The following STAMBP variants were observed in gnomAD, a reference collection of about 807,000 sequenced individuals.
STAMBP encodes the protein STAM binding protein, also known as STAM-binding protein.
Under a neutral mutation model 50.7 loss-of-function variants are expected in STAMBP, and 31 were observed. The ratio of observed to expected loss-of-function variants is 0.61; its 90% CI spans 0.46 to 0.83. The LOEUF (loss-of-function observed/expected upper bound fraction) is 0.83. STAMBP is among the 40% of genes least tolerant of loss of function. STAMBP has a pLI of 0.00. For missense variants in STAMBP, 472 were observed against 518.9 expected (o/e 0.91, Z 0.88); for synonymous variants, 211 against 192.4 (o/e 1.10, Z -0.80).
At chr2:73,868,038 C>T (rs943853908), downstream of STAMBP, among the ~76,000 whole-genome samples, 2 of 151,002 alleles carry the variant, frequency 1.3e-5, no homozygotes, top group African/African-American at 4.9e-5. Context: ...GCAGGAGAAT[C>T]GTTTGAGCTC....
chr2:73,869,668 A>G (rs1679122652), downstream of STAMBP, among the ~76,000 whole-genome samples: 1 of 152,206 alleles, frequency 6.6e-6, no homozygotes, highest in African/African-American at 2.4e-5. Flanking sequence ...TGGCACATGT[A>G]TACATATGGA....
In STAMBP at chr2:73,863,013, C is replaced by T. The variant is rs149280730; in HGVS notation, c.*754C>T. The T allele has an allele frequency of 6.6e-6, 1 of 152,240 alleles. No homozygotes were observed. The highest frequency in any genetic ancestry group is 2.4e-5 in the African/African-American group (1 of 41,548). 9.4% of individuals were successfully genotyped at this position (152,240 alleles called of 1,614,324 possible). On this transcript the variant is annotated 3_prime_UTR_variant, in exon 10 of 10. Coordinates refer to ENST00000394070, the MANE Select transcript of STAMBP (RefSeq NM_213622.4). ...ATATACTGACACTGATGGTGTGTCC[C>T]AGTTCACTTTTAATTACTCCTTGTT...
chr2:73,842,050 A>C (rs1675459192), intron 2 of STAMBP, among the ~76,000 whole-genome samples: 1 of 152,200 alleles, frequency 6.6e-6, no homozygotes, highest in African/African-American at 2.4e-5. Flanking sequence ...ACTTGGTGAA[A>C]AGTTTCACAC....
rs1676699824 is a variant in STAMBP at position 73,850,655 on chromosome 2, T to A, written c.1005+142T>A. 1 of 861,920 alleles carries A rather than the reference T, an allele frequency of 1.2e-6. No individual in the cohort carries two copies. Among genetic ancestry groups the A allele is most frequent in the Non-Finnish European group, 1.6e-6 (1 of 612,236 alleles). The allele number at this position is 861,920 out of a possible 1,614,324, so 53.4% of individuals were successfully genotyped here. ...CTTTTGGATGCAGTCCTTAGCATAC[T>A]TGACTATTGCACTTTGGTATTGTTT... On this transcript the variant is annotated intron_variant, in intron 7 of 9. Transcript: ENST00000394070. The surrounding 1 kb of genome is among the most constrained non-coding windows in gnomAD (Gnocchi z 4.3).
chr2:73,846,434 C>G (rs1278606850), intron 4 of STAMBP, among the ~76,000 whole-genome samples: 3 of 151,664 alleles, frequency 2.0e-5, no homozygotes, highest in Non-Finnish European at 4.4e-5. Flanking sequence ...AACCCCATCT[C>G]TACAAAAAAT....
At chr2:73,832,504 C>G (rs1223829865) in intron 2 of STAMBP, among the ~76,000 whole-genome samples, 3 of 151,878 alleles carry the variant, frequency 2.0e-5, no homozygotes, top group South Asian at 2.1e-4. Flanking sequence ...TCTTTTCCCC[C>G]CAAACCCTCA....
At chr2:73,834,239 ATATATATATATATATATATAT>A (rs1674423243) in intron 2 of STAMBP, among the ~76,000 whole-genome samples, 196 of 15,582 alleles carry the variant, frequency 0.013, 32 homozygotes, top group East Asian at 0.044. Flanking sequence ...AAAAAAAAAT[ATATATATATATATATATATAT>A]ATATATATAT....
intron 7 of STAMBP, among the ~76,000 whole-genome samples, chr2:73,852,719 GC>G (rs1676989508): frequency 1.3e-5 from 2 of 152,060 alleles, no homozygotes; most frequent in Admixed American, 1.3e-4. Context: ...TCACACTGTC[GC>G]CCAGGTTGGG....
At chr2:73,836,374 G>A (rs1674714062) in intron 2 of STAMBP, among the ~76,000 whole-genome samples, 1 of 152,218 alleles carries the variant, frequency 6.6e-6, no homozygotes. Context: ...GCATCTGGAG[G>A]CTCCCGGCAG....
rs1380005486 is a variant in STAMBP, at chr2:73,862,864, A to C, written c.*605A>C. 6.6e-6 allele frequency: 1 copy of C among 152,666 alleles called. No individual in the cohort carries two copies. Among genetic ancestry groups the C allele is most frequent in the African/African-American group, 2.4e-5 (1 of 41,460 alleles). 9.5% of individuals were successfully genotyped at this position (152,666 alleles called of 1,614,324 possible). A position where few individuals can be genotyped will look rare whatever the true frequency, so the allele number is the denominator to read the frequency against. On this transcript the variant is annotated 3_prime_UTR_variant, in exon 10 of 10. Transcript: ENST00000394070. ...ATATTTCAGGATATTTTTCCTCTAC[A>C]ATAAAGTAACAATTAACTTATGTTT...
At chr2:73,871,845 G>A (rs1156705750), downstream of STAMBP, among the ~76,000 whole-genome samples, 4 of 152,034 alleles carry the variant, frequency 2.6e-5, no homozygotes, top group Admixed American at 6.6e-5. Context: ...TCAGCTCACC[G>A]CAACCTCTAC....
In STAMBP at chr2:73,840,285, TC is replaced by T. The variant is rs1346933204; in HGVS notation, c.204-4524del. 2.0e-5 allele frequency among the ~76,000 whole-genome samples: 3 copies of T among 150,046 alleles called. No homozygotes were observed. The East Asian group carries it at 5.9e-4, about 30-fold the overall frequency. ...TGAATGCACATTATTTTTTAAACAA[TC>T]CCCTATTGATGGACATTTAGGGGTT... On this transcript the variant is annotated intron_variant, in intron 2 of 9. Coordinates refer to ENST00000394070, the MANE Select transcript of STAMBP (RefSeq NM_213622.4).
At position 73,850,408 on chromosome 2, in the gene STAMBP, C is replaced by G; in HGVS notation, c.900C>G (p.Leu300=). ...ATGAATTTACCATTACCCATGTTCT[C>G]ATCCCCAAGCAAAGTGCTGGGTCTG... is the stretch of plus-strand genomic sequence containing the variant. ...MRNEFTITHV[L]IPKQSAGSDY... is the part of the protein sequence containing the mutation. Residue 300 remains leucine, a synonymous_variant, in exon 7 of 10, where the codon CTC becomes CTG. Transcript: ENST00000394070. This position sits in a 1 kb window ranked among gnomAD's most constrained non-coding sequence, Gnocchi z 4.3. 6.2e-7 allele frequency: 1 copy of G among 1,613,186 alleles called. No homozygotes were observed. The highest frequency in any genetic ancestry group is 8.5e-7 in the Non-Finnish European group (1 of 1,179,690).
At chr2:73,841,822 C>T (rs1185254796) in intron 2 of STAMBP, among the ~76,000 whole-genome samples, 1 of 152,166 alleles carries the variant, frequency 6.6e-6, no homozygotes, top group African/African-American at 2.4e-5. Context: ...TCTTTTACCT[C>T]CAGTATGAGT....
Position 73,849,456 on chromosome 2 carries a change from T to C in STAMBP, c.836T>C (p.Val279Ala). 1 of 1,608,368 alleles carries C rather than the reference T, an allele frequency of 6.2e-7. No individual in the cohort carries two copies. Among genetic ancestry groups the C allele is most frequent in the Non-Finnish European group, 8.5e-7 (1 of 1,178,104 alleles). Residue 279 changes from valine (V) to alanine (A), a missense_variant, in exon 6 of 10, where the codon GTG (valine) becomes GCG (alanine). Coordinates refer to ENST00000394070, the MANE Select transcript of STAMBP (RefSeq NM_213622.4). ...GCCAGTGCCAACACTGCCCGGGGAG[T>C]GGAGACATGTGGAATTCTCTGTGGA... ...QLASANTARG[V>A]ETCGILCGKL...
chr2:73,845,339 A>G lies in STAMBP; in HGVS notation c.375+77A>G, dbSNP rs114167413. The G allele has an allele frequency of 2.7e-3, 2,742 of 1,018,026 alleles. 44 individuals carry two copies. The African/African-American group carries it at 0.038, about 14-fold the overall frequency. The allele number at this position is 1,018,026 out of a possible 1,614,324, so 63.1% of individuals were successfully genotyped here. A position where few individuals can be genotyped will look rare whatever the true frequency, so the allele number is the denominator to read the frequency against. On this transcript the variant is annotated intron_variant, in intron 4 of 9. Coordinates refer to ENST00000394070, the MANE Select transcript of STAMBP (RefSeq NM_213622.4). ...CCTGGGATTGTAATATGACATTTCAATATATCCTGTGCTTTTAATGTGCTG... is the reference window on the plus strand; with the variant it reads ...CCTGGGATTGTAATATGACATTTCAGTATATCCTGTGCTTTTAATGTGCTG...
intron 1 of STAMBP, 72 bp from the exon 2 acceptor site, chr2:73,830,773 G>T (rs1345708477): frequency 8.6e-7 from 1 of 1,163,040 alleles, no homozygotes; most frequent in Non-Finnish European, 1.2e-6. Flanking sequence ...GTAGAGGTCT[G>T]TGAGATAAAC....
At chr2:73,860,452 G>A (rs1253728916) in intron 9 of STAMBP, 2 of 597,934 alleles carry the variant, frequency 3.3e-6, no homozygotes, top group Admixed American at 5.5e-5. Context: ...ATGATTAAAT[G>A]AAGTAATGTG....
Position 73,859,136 on chromosome 2 carries a change from A to G in STAMBP, c.1006-118A>G, listed in dbSNP as rs536190928. On this transcript the variant is annotated intron_variant, in intron 7 of 9. Transcript: ENST00000394070. ...TTTCTCAAAGTATGTTATCGTATGT[A>G]ATATTTTCAGATTGCAGTTGATATG... 9.7e-6 allele frequency: 7 copies of G among 725,324 alleles called. No individual in the cohort carries two copies. In the East Asian group the frequency reaches 1.5e-4, roughly 15 times the overall value. The allele number at this position is 725,324 out of a possible 1,614,324, so 44.9% of individuals were successfully genotyped here. A position where few individuals can be genotyped will look rare whatever the true frequency, so the allele number is the denominator to read the frequency against.
Sources: gnomAD v4.1 joint callset for allele counts (sites outside exome capture counted in the v4.1 genomes callset) on GRCh38, gnomAD v4.1.1 for gene constraint, Gnocchi (gnomAD v3.1) non-coding constraint, MANE v1.5 for transcripts, NCBI Gene and HGNC (gene_info 2026-07-23, HGNC 2026-07-21) for gene names.